The following RNLS variants were observed in gnomAD, a reference collection of about 807,000 sequenced individuals.
RNLS encodes renalase, FAD dependent amine oxidase.
RNLS carries 39 observed loss-of-function variants against 39.8 expected under a neutral mutation model. The ratio of observed to expected loss-of-function variants is 0.98; its 90% CI spans 0.76 to 1.28. RNLS has a LOEUF of 1.28. Among genes scored for constraint, RNLS ranks in the 50% most tolerant of loss-of-function variants. The probability of loss-of-function intolerance (pLI) is 0.00; values close to 1 mark genes in which losing one functional copy is unlikely to be tolerated. For missense variants in RNLS, 410 were observed against 413.3 expected, an observed-to-expected ratio of 0.99 and a Z score of 0.07; for synonymous variants, 147 against 150.7, an observed-to-expected ratio of 0.98 and a Z score of 0.18.
the RNLS span, among the ~76,000 whole-genome samples, chr10:88,203,164 G>A: frequency 2.0e-5 from 3 of 149,672 alleles, no homozygotes; most frequent in Non-Finnish European, 4.4e-5. Context: ...TATGCTCAGC[G>A]AGATAGTTGG....
chr10:88,436,916 C>T (rs940352145), intron 4 of RNLS, among the ~76,000 whole-genome samples: 5 of 152,224 alleles, frequency 3.3e-5, no homozygotes, highest in Admixed American at 3.3e-4. Flanking sequence ...TACAAGCTTG[C>T]GCTTTGTAAT....
chr10:88,570,902 A>G (rs1338278799), intron 4 of RNLS, among the ~76,000 whole-genome samples: 3 of 152,096 alleles, frequency 2.0e-5, no homozygotes, highest in Non-Finnish European at 4.4e-5. Context: ...ACTATAGTTA[A>G]TAATATCATA....
At chr10:88,477,992 C>T (rs1843918237) in intron 4 of RNLS, among the ~76,000 whole-genome samples, 1 of 152,176 alleles carries the variant, frequency 6.6e-6, no homozygotes, top group African/African-American at 2.4e-5. Flanking sequence ...GTGCCTATTT[C>T]AGATAGATTA....
At chr10:88,266,496 C>G in the RNLS span, among the ~76,000 whole-genome samples, 3 of 152,138 alleles carry the variant, frequency 2.0e-5, no homozygotes, top group African/African-American at 7.2e-5. Context: ...TCTCAGTATA[C>G]TTTGCCTTGG....
At chr10:88,231,491 T>C in the RNLS span, among the ~76,000 whole-genome samples, 1 of 152,182 alleles carries the variant, frequency 6.6e-6, no homozygotes, top group South Asian at 2.1e-4. Context: ...TGGAAACGTA[T>C]ACACTTTCTG....
chr10:88,415,418 T>A (rs967763069), intron 4 of RNLS, among the ~76,000 whole-genome samples: 6 of 152,248 alleles, frequency 3.9e-5, no homozygotes, highest in Non-Finnish European at 8.8e-5. Context: ...TGATGATTTC[T>A]TATCCAAAAC....
chr10:88,540,337 T>G (rs192485394), intron 4 of RNLS, among the ~76,000 whole-genome samples: 1 of 152,254 alleles, frequency 6.6e-6, no homozygotes, highest in East Asian at 1.9e-4. Flanking sequence ...AGTATTATAA[T>G]TTTTCAACAA....
chr10:88,479,298 A>G (rs575337601), intron 4 of RNLS, among the ~76,000 whole-genome samples: 1 of 152,314 alleles, frequency 6.6e-6, no homozygotes, highest in African/African-American at 2.4e-5. Context: ...TAGAATTCCT[A>G]TAATTTTAGG....
At chr10:88,295,320 GCT>G (rs1844003753) in intron 6 of RNLS, among the ~76,000 whole-genome samples, 1 of 151,880 alleles carries the variant, frequency 6.6e-6, no homozygotes, top group African/African-American at 2.4e-5. Context: ...GATTTTTGAG[GCT>G]CTCAGTTCTA....
intron 5 of RNLS, among the ~76,000 whole-genome samples, chr10:88,328,365 T>G (rs114783127): frequency 6.6e-6 from 1 of 152,188 alleles, no homozygotes; most frequent in African/African-American, 2.4e-5. Flanking sequence ...TCTTGACAAT[T>G]TTTGCTTTAT....
At chr10:88,438,566 A>C (rs1232552711) in intron 4 of RNLS, among the ~76,000 whole-genome samples, 2 of 152,248 alleles carry the variant, frequency 1.3e-5, no homozygotes. Context: ...TTGGTAATAG[A>C]GTAGGCTTCC....
intron 4 of RNLS, among the ~76,000 whole-genome samples, chr10:88,536,375 TAC>T (rs757734145): frequency 6.6e-5 from 10 of 152,194 alleles, no homozygotes; most frequent in African/African-American, 9.6e-5. Flanking sequence ...CTTGAATCAC[TAC>T]AGTCTTCTTC....
the RNLS span, among the ~76,000 whole-genome samples, chr10:88,266,139 G>C: frequency 6.6e-6 from 1 of 152,122 alleles, no homozygotes; most frequent in Non-Finnish European, 1.5e-5. Flanking sequence ...TTTTTACCAG[G>C]CTGGCTAGTC....
At chr10:88,337,498 A>G (rs1373834961) in intron 5 of RNLS, among the ~76,000 whole-genome samples, 1 of 152,218 alleles carries the variant, frequency 6.6e-6, no homozygotes, top group Non-Finnish European at 1.5e-5. Flanking sequence ...AGCCAGGCCA[A>G]TCAGGTCAAT....
intron 6 of RNLS, among the ~76,000 whole-genome samples, chr10:88,311,578 C>CT (rs1267370780): frequency 6.6e-6 from 1 of 152,176 alleles, no homozygotes; most frequent in Non-Finnish European, 1.5e-5. Flanking sequence ...AAAACGCCTT[C>CT]TTTCTTCACC....
intron 4 of RNLS, among the ~76,000 whole-genome samples, chr10:88,497,484 G>C (rs1336574984): frequency 6.6e-6 from 1 of 151,876 alleles, no homozygotes; most frequent in Non-Finnish European, 1.5e-5. Context: ...AAGCTAAAAG[G>C]GGAGAGATAC....
At chr10:88,335,637 C>T (rs1399143645) in intron 5 of RNLS, among the ~76,000 whole-genome samples, 1 of 152,136 alleles carries the variant, frequency 6.6e-6, no homozygotes, top group African/African-American at 2.4e-5. Flanking sequence ...GTTCATTAGA[C>T]AAAGACACAT....
At chr10:88,534,651 G>A (rs1847637676) in intron 4 of RNLS, among the ~76,000 whole-genome samples, 1 of 152,100 alleles carries the variant, frequency 6.6e-6, no homozygotes, top group Non-Finnish European at 1.5e-5. Context: ...AATTACACAA[G>A]CCATGAAAAG....
intron 4 of RNLS, among the ~76,000 whole-genome samples, chr10:88,563,509 T>TTTTGAAATATAGTTTTGAATATA (rs1849312501): frequency 6.6e-6 from 1 of 152,142 alleles, no homozygotes; most frequent in Non-Finnish European, 1.5e-5. Flanking sequence ...CTTAATATAC[T>TTTTGAAATATAGTTTTGAATATA]GTAATATAGT....
Sources: gnomAD v4.1 joint callset for allele counts (sites outside exome capture counted in the v4.1 genomes callset) on GRCh38, gnomAD v4.1.1 for gene constraint, MANE v1.5 for transcripts, NCBI Gene and HGNC (gene_info 2026-07-23, HGNC 2026-07-21) for gene names.